SHROOM3: variants seen among roughly 807,000 people sequenced by gnomAD.
SHROOM3 encodes protein Shroom3.
A neutral mutation model predicts 138.6 loss-of-function variants in SHROOM3; 47 were observed. The ratio of observed to expected loss-of-function variants is 0.34; its 90% CI spans 0.27 to 0.43. The LOEUF (loss-of-function observed/expected upper bound fraction) is 0.43. SHROOM3 is among the 20% of genes least tolerant of loss of function. The pLI is 1.00. For missense variants in SHROOM3, 2,491 were observed against 2,596.5 expected (o/e 0.96, Z 0.88); for synonymous variants, 1,062 against 1,063.3 (o/e 1.00, Z 0.02).
intron 2 of SHROOM3, among the ~76,000 whole-genome samples, chr4:76,601,492 C>T (rs969753499): frequency 3.1e-4 from 47 of 152,258 alleles, no homozygotes; most frequent in African/African-American, 1.0e-3. Flanking sequence ...TTATTTTCCT[C>T]AGGTTATGTA....
intron 2 of SHROOM3, chr4:76,689,774 T>C (rs1719462334): frequency 1.0e-6 from 1 of 981,552 alleles, no homozygotes; most frequent in Admixed American, 6.2e-5. Context: ...AGCGCGTCTA[T>C]TTCGGGCTCT....
chr4:76,779,216 C>G lies in SHROOM3; in HGVS notation c.*39C>G, dbSNP rs761343971. The G allele has an allele frequency of 2.7e-5, 42 of 1,562,452 alleles. No homozygotes were observed. Among genetic ancestry groups the G allele is most frequent in the Admixed American group, 7.4e-5 (4 of 54,052 alleles). ...ACCCAACCAAAAGATCACTGTTTCT[C>G]TCAACACTATTTAATCTGAAAAATG... On this transcript the variant is annotated 3_prime_UTR_variant, in exon 11 of 11. Coordinates refer to ENST00000296043, the MANE Select transcript of SHROOM3 (RefSeq NM_020859.4).
chr4:76,469,957 A>G (rs1390709491), intron 1 of SHROOM3, among the ~76,000 whole-genome samples: 2 of 152,226 alleles, frequency 1.3e-5, no homozygotes, highest in Non-Finnish European at 2.9e-5. Context: ...TCTACCTGGT[A>G]TATCAGATCT....
intron 2 of SHROOM3, among the ~76,000 whole-genome samples, chr4:76,702,762 G>A (rs1175859920): frequency 6.6e-6 from 1 of 152,166 alleles, no homozygotes; most frequent in Non-Finnish European, 1.5e-5. Context: ...GTTTTCTTAT[G>A]CACTTGTCCT....
intron 2 of SHROOM3, among the ~76,000 whole-genome samples, chr4:76,602,898 A>G (rs1036193406): frequency 6.6e-6 from 1 of 152,188 alleles, no homozygotes; most frequent in Non-Finnish European, 1.5e-5. Flanking sequence ...TTTTTCTTAG[A>G]AGGTGATTAT....
chr4:76,447,243 A>C (rs1730833210), intron 1 of SHROOM3, among the ~76,000 whole-genome samples: 1 of 152,244 alleles, frequency 6.6e-6, no homozygotes, highest in African/African-American at 2.4e-5. Context: ...TCTTCAGGTT[A>C]GTCAAAGTGC....
chr4:76,731,065 C>A, intron 4 of SHROOM3, 130 bp downstream of exon 4: 1 of 1,284,354 alleles, frequency 7.8e-7, no homozygotes, highest in Non-Finnish European at 1.1e-6. Context: ...TCTCTATCCA[C>A]TGCTTTTCTC....
intron 2 of SHROOM3, among the ~76,000 whole-genome samples, chr4:76,630,180 T>C (rs1735273245): frequency 6.6e-6 from 1 of 152,226 alleles, no homozygotes. Context: ...CTAGGGGTCA[T>C]CTACTAAAAT....
chr4:76,570,621 C>T (rs1014140476), intron 2 of SHROOM3, among the ~76,000 whole-genome samples: 1 of 152,136 alleles, frequency 6.6e-6, no homozygotes, highest in Non-Finnish European at 1.5e-5. Context: ...TGTTTTCTTT[C>T]GTTTTGTTTA....
At chr4:76,524,769 G>A (rs1331550189) in intron 1 of SHROOM3, among the ~76,000 whole-genome samples, 1 of 152,168 alleles carries the variant, frequency 6.6e-6, no homozygotes, top group Non-Finnish European at 1.5e-5. Flanking sequence ...GTTAGTTTAT[G>A]AAAGGGAAGG....
At chr4:76,744,774 A>G (rs1256309825) in intron 5 of SHROOM3, among the ~76,000 whole-genome samples, 2 of 152,224 alleles carry the variant, frequency 1.3e-5, no homozygotes, top group African/African-American at 4.8e-5. Flanking sequence ...AGTTGATGCT[A>G]TCTCCAACAA....
At chr4:76,644,253 T>C (rs1461005175) in intron 2 of SHROOM3, 1 of 151,178 alleles carries the variant, frequency 6.6e-6, no homozygotes, top group East Asian at 1.9e-4. Context: ...CTTTTTCTTT[T>C]TCTTTTTTTT....
intron 2 of SHROOM3, among the ~76,000 whole-genome samples, chr4:76,578,070 G>C (rs1227867929): frequency 2.0e-5 from 3 of 151,950 alleles, no homozygotes; most frequent in African/African-American, 7.2e-5. Context: ...AATTAAATAA[G>C]GTTTATTATG....
chr4:76,674,554 CTTT>C (rs11312421), intron 2 of SHROOM3, among the ~76,000 whole-genome samples: 4 of 103,286 alleles, frequency 3.9e-5, no homozygotes, highest in East Asian at 3.2e-4. Context: ...TCCTTCCTTC[CTTT>C]TTTTTTTTTT....
intron 1 of SHROOM3, among the ~76,000 whole-genome samples, chr4:76,453,213 G>T (rs1371319785): frequency 6.6e-6 from 1 of 151,916 alleles, no homozygotes; most frequent in Non-Finnish European, 1.5e-5. Flanking sequence ...ATGTGCAAGG[G>T]TTCTAATTTA....
At chr4:76,653,140 A>ATTATATGGT (rs1456276920) in intron 2 of SHROOM3, among the ~76,000 whole-genome samples, 1 of 152,176 alleles carries the variant, frequency 6.6e-6, no homozygotes, top group Non-Finnish European at 1.5e-5. Context: ...ATACCATACA[A>ATTATATGGT]TTATATGGTT....
chr4:76,591,585 T>C (rs181977075), intron 2 of SHROOM3, among the ~76,000 whole-genome samples: 3 of 147,612 alleles, frequency 2.0e-5, no homozygotes, highest in South Asian at 2.3e-4. Context: ...GTAGTGTGTA[T>C]TGCTACTTAT....
chr4:76,741,081 A>T lies in SHROOM3; in HGVS notation c.2908A>T (p.Ser970Cys), dbSNP rs1329148054. Residue 970 changes from serine to cysteine, a missense_variant, in exon 5 of 11, where the codon AGC becomes TGC. Physicochemically the swap from Ser to Cys is moderately radical, Grantham distance 112. Around this residue, in one of 4 missense-constraint regions of SHROOM3, gnomAD observed 1,733 missense variants for 1,661.6 expected, o/e 1.04. Transcript: ENST00000296043. The surrounding 1 kb of genome is among the most constrained non-coding windows in gnomAD (Gnocchi z 6.2). ...TTCCTCGGCCCACGTGGGGCTGCGGAGCCCCGAGGCGTCGGCCTCCGCCTC... is the reference window on the plus strand; with the variant it reads ...TTCCTCGGCCCACGTGGGGCTGCGGTGCCCCGAGGCGTCGGCCTCCGCCTC... Reference protein sequence around the residue: ...RPSSAHVGLRSPEASASASPH... With the variant: ...RPSSAHVGLRCPEASASASPH... 2 of 1,536,596 alleles carry T rather than the reference A, an allele frequency of 1.3e-6. No individual in the cohort carries two copies. The highest frequency in any genetic ancestry group is 1.7e-4 in the Middle Eastern group (1 of 5,858).
chr4:76,549,061 G>A (rs555670799), intron 1 of SHROOM3, among the ~76,000 whole-genome samples: 1 of 152,328 alleles, frequency 6.6e-6, no homozygotes, highest in Non-Finnish European at 1.5e-5. Flanking sequence ...TGTTGACAGA[G>A]AGTATCAGCA....
Sources: gnomAD v4.1 joint callset for allele counts (sites outside exome capture counted in the v4.1 genomes callset) on GRCh38, gnomAD v4.1.1 for gene constraint, gnomAD v4.1.1 regional missense constraint, Gnocchi (gnomAD v3.1) non-coding constraint, MANE v1.5 for transcripts, NCBI Gene and HGNC (gene_info 2026-07-23, HGNC 2026-07-21) for gene names.